Variants in SHANK1 observed in about 807,000 individuals in gnomAD.
SHANK1 encodes the protein SH3 and multiple ankyrin repeat domains 1.
SHANK1 carries 35 observed loss-of-function variants against 165.6 expected under a neutral mutation model. The ratio of observed to expected loss-of-function variants is 0.21; its 90% confidence interval spans 0.16 to 0.28. SHANK1 has a LOEUF of 0.28. Among genes scored for constraint, SHANK1 ranks in the 10% least tolerant of loss-of-function variants. SHANK1 has a pLI of 1.00. For missense variants in SHANK1, 2,681 were observed against 3,036.4 expected (o/e 0.88, Z 2.75); for synonymous variants, 1,428 against 1,384.8 (o/e 1.03, Z -0.69).
chr19:50,688,277 T>C lies in SHANK1; in HGVS notation c.2173-219A>G, dbSNP rs930460388. ...TGGGGGAGAGGCTCAGCCTACCCTATTCACTTCCCCCTCCCTCCTTGTCCC... is the reference window on the plus strand; with the variant it reads ...TGGGGGAGAGGCTCAGCCTACCCTACTCACTTCCCCCTCCCTCCTTGTCCC... On this transcript the variant is annotated intron_variant, in intron 17 of 23. Coordinates refer to ENST00000293441, the MANE Select transcript of SHANK1 (RefSeq NM_016148.5). The surrounding 1 kb of genome is among the most constrained non-coding windows in gnomAD (Gnocchi z 6.7). Among the ~76,000 whole-genome samples, 1 of 151,900 alleles carries C rather than the reference T, an allele frequency of 6.6e-6. No individual in the cohort carries two copies. The highest frequency in any genetic ancestry group is 1.5e-5 in the Non-Finnish European group (1 of 67,940).
intron 8 of SHANK1, among the ~76,000 whole-genome samples, chr19:50,705,351 T>A (rs935570201): frequency 6.6e-5 from 10 of 151,974 alleles, no homozygotes; most frequent in South Asian, 2.1e-4. Flanking sequence ...CAAAAAAAAA[T>A]AATAATTTCT....
At position 50,666,934 on chromosome 19, in the gene SHANK1, C is replaced by A; in HGVS notation, c.5026G>T (p.Glu1676Ter). 6.2e-7 allele frequency: 1 copy of A among 1,601,262 alleles called. No individual in the cohort carries two copies. Among genetic ancestry groups the A allele is most frequent in the Non-Finnish European group, 8.5e-7 (1 of 1,174,120 alleles). The change falls in exon 23 of 24, where the codon GAG (glutamate) becomes TAG (stop). Residue 1676 changes from glutamate to a stop codon, truncating the protein, a stop_gained. Coordinates refer to ENST00000293441, the MANE Select transcript of SHANK1 (RefSeq NM_016148.5). LOFTEE classifies it high-confidence loss of function. ...CTGCTGCTCCGACTGTCCACCTCCT[C>A]GATGCCAGAATCCGTGCCAGGCGGA... The part of the protein sequence containing the change: ...DPPPGTDSGI[E>*]EVDSRSSSDH...
chr19:50,710,146 A>G (rs1428598020), intron 8 of SHANK1, among the ~76,000 whole-genome samples: 2 of 152,102 alleles, frequency 1.3e-5, no homozygotes, highest in Non-Finnish European at 2.9e-5. Context: ...AGGGCCTGGG[A>G]GTCAGAGGAT....
At chr19:50,699,313 T>C (rs1309231190) in intron 12 of SHANK1, among the ~76,000 whole-genome samples, 1 of 152,244 alleles carries the variant, frequency 6.6e-6, no homozygotes, top group Non-Finnish European at 1.5e-5. Flanking sequence ...TAATCAATGT[T>C]GTTCCTTCCT....
intron 21 of SHANK1, among the ~76,000 whole-genome samples, chr19:50,681,585 A>G (rs1286707883): frequency 1.3e-5 from 2 of 152,064 alleles, no homozygotes; most frequent in East Asian, 3.8e-4. Flanking sequence ...GCTGCCTGGC[A>G]CTTTACAGGA....
chr19:50,685,544 C>T (rs1986305347), intron 21 of SHANK1, among the ~76,000 whole-genome samples: 1 of 152,010 alleles, frequency 6.6e-6, no homozygotes, highest in South Asian at 2.1e-4. Context: ...GCCATGATGG[C>T]AAAACCCTGT....
chr19:50,666,116 C>A (rs921201351), intron 23 of SHANK1, 76 bp downstream of exon 23: 13 of 1,398,518 alleles, frequency 9.3e-6, no homozygotes, highest in South Asian at 9.0e-5. Flanking sequence ...CTTTCTGCCA[C>A]CCTGAGACCC....
Position 50,714,286 on chromosome 19 carries a change from C to T in SHANK1, c.536G>A (p.Gly179Glu), listed in dbSNP as rs369157441. ...KQLAKLHTKT[G>E]LKKFLEYVQL... Reference sequence around the variant, plus strand: ...CACATACTCCAGGAACTTCTTCAACCCCGTCTGAGCCATGGGCAAAGAGAG... The same window carrying T: ...CACATACTCCAGGAACTTCTTCAACTCCGTCTGAGCCATGGGCAAAGAGAG... Residue 179 changes from glycine (G) to glutamate (E), a missense_variant, in exon 5 of 24, where the codon GGG (glycine) becomes GAG (glutamate). Transcript: ENST00000293441. The T allele has an allele frequency of 6.2e-7, 1 of 1,613,952 alleles. No homozygotes were observed. Among genetic ancestry groups the T allele is most frequent in the African/African-American group, 1.3e-5 (1 of 75,024 alleles).
rs113870266 is a variant in SHANK1, at chr19:50,702,832, G to A, written c.1554-172C>T. 0.019 allele frequency among the ~76,000 whole-genome samples: 2,880 copies of A among 151,782 alleles called. 44 individuals carry two copies. The highest frequency in any genetic ancestry group is 0.027 in the Non-Finnish European group (1,859 of 67,846). On this transcript the variant is annotated intron_variant, in intron 11 of 23. Coordinates refer to ENST00000293441, the MANE Select transcript of SHANK1 (RefSeq NM_016148.5). The surrounding 1 kb of genome is among the most constrained non-coding windows in gnomAD (Gnocchi z 5.3). ...ATTTGGGGGCTCCCTCTGCCTGCCC[G>A]CAGCTGCCCCAACCAGCCCCCTCTC...
Position 50,690,837 on chromosome 19 carries a change from A to G in SHANK1, c.1965-1558T>C, listed in dbSNP as rs1986515638. On this transcript the variant is annotated intron_variant, in intron 15 of 23. Transcript: ENST00000293441. The surrounding 1 kb of genome is among the most constrained non-coding windows in gnomAD (Gnocchi z 4.9). ...ATCCCAGCAAATGCCAATAATACTT[A>G]CTGTGCTCCACTGTATTTAGGTACC... Among the ~76,000 whole-genome samples, 1 of 152,032 alleles carries G rather than the reference A, an allele frequency of 6.6e-6. No individual in the cohort carries two copies. The highest frequency in any genetic ancestry group is 2.1e-4 in the South Asian group (1 of 4,816).
Position 50,662,330 on chromosome 19 carries a change from C to T in SHANK1, c.6121G>A (p.Gly2041Arg), listed in dbSNP as rs992187842. The change falls in exon 24 of 24, where the codon GGA (glycine) becomes AGA (arginine). Residue 2041 changes from glycine (G) to arginine (R), a missense_variant. Gly to Arg is a moderately radical substitution (Grantham distance 125, BLOSUM62 -2). Coordinates refer to ENST00000293441, the MANE Select transcript of SHANK1 (RefSeq NM_016148.5). The surrounding 1 kb of genome is among the most constrained non-coding windows in gnomAD (Gnocchi z 7.7). The part of the protein sequence containing the change: ...GLFDIRGSPT[G>R]GAGGSADPFA... ...GGGTCAGCCGAGCCTCCTGCCCCTC[C>T]AGTTGGGGAGCCACGGATGTCAAAG... 7 of 1,605,870 alleles carry T rather than the reference C, an allele frequency of 4.4e-6. No homozygotes were observed. The Admixed American group carries it at 6.7e-5, about 15-fold the overall frequency.
At chr19:50,684,802 C>T (rs1220518507) in intron 21 of SHANK1, among the ~76,000 whole-genome samples, 1 of 152,106 alleles carries the variant, frequency 6.6e-6, no homozygotes, top group Admixed American at 6.6e-5. Flanking sequence ...TTATGCGCCT[C>T]GTGATTTTGA....
chr19:50,680,801 G>A (rs1250242016), intron 21 of SHANK1, among the ~76,000 whole-genome samples: 1 of 152,096 alleles, frequency 6.6e-6, no homozygotes, highest in African/African-American at 2.4e-5. Context: ...AATAACAGGC[G>A]TGCGCCACCA....
chr19:50,699,774 T>C (rs1986847767), intron 12 of SHANK1, among the ~76,000 whole-genome samples: 1 of 150,344 alleles, frequency 6.7e-6, no homozygotes, highest in South Asian at 2.1e-4. Context: ...GCTTGGGCCA[T>C]TGGGGGAATG....
In SHANK1 at chr19:50,717,135, C is replaced by T. The variant is rs182592076; in HGVS notation, c.-43-173G>A. Among the ~76,000 whole-genome samples, 449 of 152,302 alleles carry T rather than the reference C, an allele frequency of 2.9e-3. 2 individuals carry two copies. The highest frequency in any genetic ancestry group is 0.014 in the Middle Eastern group (4 of 294). ...CGGCCTCCCCTGCCGCCTCCTCCCA[C>T]GCTGGCACGCACACACCCCTGTCCC... On this transcript the variant is annotated intron_variant, in intron 1 of 23. Transcript: ENST00000293441. The surrounding 1 kb of genome is among the most constrained non-coding windows in gnomAD (Gnocchi z 5.5).
rs990851887 is a variant in SHANK1, at chr19:50,718,226, C to G, written c.-44+1180G>C. ...TCTAACCCAGGGCCGGCGGACCCCTCCCCCACGCGCGGCAGCGCTGCGAAG... is the reference window on the plus strand; with the variant it reads ...TCTAACCCAGGGCCGGCGGACCCCTGCCCCACGCGCGGCAGCGCTGCGAAG... On this transcript the variant is annotated intron_variant, in intron 1 of 23. Coordinates refer to ENST00000293441, the MANE Select transcript of SHANK1 (RefSeq NM_016148.5). The surrounding 1 kb of genome is among the most constrained non-coding windows in gnomAD (Gnocchi z 5.1). Among the ~76,000 whole-genome samples, 2 of 151,954 alleles carry G rather than the reference C, an allele frequency of 1.3e-5. No individual in the cohort carries two copies. Among genetic ancestry groups the G allele is most frequent in the Non-Finnish European group, 2.9e-5 (2 of 67,924 alleles).
chr19:50,685,967 A>C (rs1024624138), intron 21 of SHANK1, among the ~76,000 whole-genome samples: 2 of 152,134 alleles, frequency 1.3e-5, no homozygotes, highest in African/African-American at 4.8e-5. Context: ...GCAGAGGGAC[A>C]CAAAGAGGCG....
intron 21 of SHANK1, among the ~76,000 whole-genome samples, chr19:50,678,490 C>T (rs1366977541): frequency 2.0e-5 from 3 of 150,226 alleles, no homozygotes; most frequent in Non-Finnish European, 4.4e-5. Flanking sequence ...GGCAGGGATC[C>T]GAGTGACAGT....
intron 16 of SHANK1, 35 bp from the exon 17 acceptor site, chr19:50,689,003 G>C (rs1454468041): frequency 6.8e-7 from 1 of 1,460,726 alleles, no homozygotes; most frequent in South Asian, 1.2e-5. Context: ...GGTCGGAGGG[G>C]AGGGGGTGGA....
Sources: gnomAD v4.1 joint callset for allele counts (sites outside exome capture counted in the v4.1 genomes callset) on GRCh38, gnomAD v4.1.1 for gene constraint, Gnocchi (gnomAD v3.1) non-coding constraint, MANE v1.5 for transcripts, NCBI Gene and HGNC (gene_info 2026-07-23, HGNC 2026-07-21) for gene names.